The following GIP variants were observed in gnomAD, a reference collection of about 807,000 sequenced individuals.
The protein encoded by GIP is glucose-dependent insulinotropic polypeptide.
A neutral mutation model predicts 18.1 loss-of-function variants in GIP; 16 were observed. The observed-to-expected ratio is 0.88, with a 90% confidence interval of 0.60 to 1.34. The LOEUF is 1.34. Ranked by LOEUF, GIP falls within the 40% of genes most tolerant of loss-of-function variation. GIP has a pLI of 0.00. For synonymous variants in GIP, 76 were observed against 74.0 expected, an observed-to-expected ratio of 1.03 and a Z score of -0.14; for missense variants, 192 against 183.4, an observed-to-expected ratio of 1.05 and a Z score of -0.27.
chr17:48,958,782 C>T lies in GIP; in HGVS notation c.453-66G>A, dbSNP rs144493607. On this transcript the variant is annotated intron_variant, in intron 5 of 5. Transcript: ENST00000357424. ...TTGGAGTCGGCCAAGCACATTTATCCTGGGACCCAACCATTGTTGAACCCC... is the reference window on the plus strand; with the variant it reads ...TTGGAGTCGGCCAAGCACATTTATCTTGGGACCCAACCATTGTTGAACCCC... The T allele has an allele frequency of 9.1e-6, 12 of 1,316,080 alleles. No homozygotes were observed. The East Asian group carries it at 3.0e-4, about 33-fold the overall frequency. 81.5% of individuals were successfully genotyped at this position (1,316,080 alleles called of 1,614,324 possible).
At chr17:48,967,685 G>T (rs1224402090) in intron 1 of GIP, among the ~76,000 whole-genome samples, 2 of 151,838 alleles carry the variant, frequency 1.3e-5, no homozygotes, top group Non-Finnish European at 2.9e-5. Flanking sequence ...AGAGCCTGGG[G>T]CAACACCATG....
intron 1 of GIP, among the ~76,000 whole-genome samples, chr17:48,967,656 C>T (rs2041242481): frequency 6.6e-6 from 1 of 151,420 alleles, no homozygotes; most frequent in South Asian, 2.1e-4. Flanking sequence ...TCGCGCCTTG[C>T]CAGTTTGGAC....
chr17:48,959,037 A>G, intron 5 of GIP, among the ~76,000 whole-genome samples: 1 of 151,722 alleles, frequency 6.6e-6, no homozygotes, highest in African/African-American at 2.4e-5. Context: ...TGTATTTTTA[A>G]TAGAGACAGG....
chr17:48,964,202 TGG>T, intron 3 of GIP, 106 bp downstream of exon 3: 1 of 662,548 alleles, frequency 1.5e-6, no homozygotes. Flanking sequence ...AGGTGCCACC[TGG>T]GGTTGTGCAT....
rs199983582 is a variant in GIP at position 48,960,895 on chromosome 17, C to T, written c.443G>A (p.Cys148Tyr). The change falls in exon 5 of 6, where the codon TGC (cysteine) becomes TAC (tyrosine). Residue 148 changes from cysteine (C) to tyrosine (Y), a missense_variant. By Grantham distance (194) the Cys-to-Tyr change is radical. Transcript: ENST00000357424. ...CACCACACTCCCCTACCTGAGCCTGCAGAGGTTTGTCTGATCCAGCAAGCA... is the reference window on the plus strand; with the variant it reads ...CACCACACTCCCCTACCTGAGCCTGTAGAGGTTTGTCTGATCCAGCAAGCA... ...LACLLDQTNL[C>Y]RLRSR The T allele has an allele frequency of 6.2e-5, 99 of 1,594,106 alleles. No homozygotes were observed. The African/African-American group carries it at 1.2e-3, about 19-fold the overall frequency.
rs748343246 is a variant in GIP at position 48,961,743 on chromosome 17, C to G, written c.334G>C (p.Ala112Pro). 1.2e-5 allele frequency: 20 copies of G among 1,606,662 alleles called. No individual in the cohort carries two copies. The highest frequency in any genetic ancestry group is 1.7e-5 in the Non-Finnish European group (20 of 1,174,612). The stretch of plus-strand genomic sequence containing the variant: ...CTGACTCACCTCTGTGGCTCCACTG[C>G]CTCCTCCTCCTTCCTATTAGCTTGA... ...ASQANRKEEE[A>P]VEPQSSPAKN... is the part of the protein sequence containing the mutation. Residue 112 changes from alanine to proline, a missense_variant, in exon 4 of 6, where the codon GCA (alanine) becomes CCA (proline). Transcript: ENST00000357424.
chr17:48,964,854 C>G (rs1295247832), intron 2 of GIP, among the ~76,000 whole-genome samples: 1 of 152,050 alleles, frequency 6.6e-6, no homozygotes, highest in Non-Finnish European at 1.5e-5. Flanking sequence ...ATTAGCCAGG[C>G]GTTGGCAGGG....
intron 4 of GIP, 40 bp downstream of exon 4, chr17:48,961,687 G>A (rs1431338126): frequency 7.7e-7 from 1 of 1,300,562 alleles, no homozygotes; most frequent in African/African-American, 1.4e-5. Flanking sequence ...GGCGGGGCAG[G>A]AGGCTTGGCT....
chr17:48,963,861 A>AG (rs1157178570), intron 3 of GIP, among the ~76,000 whole-genome samples: 267 of 148,316 alleles, frequency 1.8e-3, no homozygotes, highest in Non-Finnish European at 3.0e-3. Flanking sequence ...AAAAAAAAAA[A>AG]AAGAGAGAGA....
chr17:48,967,338 G>A, intron 1 of GIP, 85 bp from the exon 2 acceptor site: 1 of 847,830 alleles, frequency 1.2e-6, no homozygotes, highest in Non-Finnish European at 1.9e-6. Context: ...CCTGAGGTTT[G>A]GACCCTTTCT....
chr17:48,967,070 C>T, intron 2 of GIP, 77 bp downstream of exon 2: 2 of 1,077,964 alleles, frequency 1.9e-6, no homozygotes, highest in South Asian at 1.3e-5. Context: ...TTTCTCATCT[C>T]CCCCTAGAAA....
At chr17:48,966,348 G>A (rs1248298833) in intron 2 of GIP, among the ~76,000 whole-genome samples, 1 of 151,000 alleles carries the variant, frequency 6.6e-6, no homozygotes, top group Non-Finnish European at 1.5e-5. Flanking sequence ...CTAAGGTCAG[G>A]AGTTCGAGAC....
chr17:48,964,218 G>T, intron 3 of GIP, 92 bp downstream of exon 3: 31 of 789,404 alleles, frequency 3.9e-5, no homozygotes, highest in Non-Finnish European at 5.7e-5. Context: ...TGTGCATCAT[G>T]TGGCCTGTGT....
chr17:48,962,600 C>T (rs552703860), intron 3 of GIP, among the ~76,000 whole-genome samples: 1 of 151,932 alleles, frequency 6.6e-6, no homozygotes, highest in African/African-American at 2.4e-5. Flanking sequence ...AGCTCCTGAC[C>T]TCGTGATTTG....
chr17:48,964,566 C>T (rs1179542020), intron 2 of GIP, 86 bp from the exon 3 acceptor site: 3 of 1,180,250 alleles, frequency 2.5e-6, no homozygotes, highest in Non-Finnish European at 3.7e-6. Flanking sequence ...AGGAGGCAGA[C>T]ACTTGAAAAC....
At position 48,958,703 on chromosome 17, in the gene GIP, A is replaced by C. The variant is rs745566597; in HGVS notation, c.*4T>G. 1 of 1,581,810 alleles carries C rather than the reference A, an allele frequency of 6.3e-7. No individual in the cohort carries two copies. ...ATCCAGTCCTGAGCTGGGTGTGGTC[A>C]GAGTCACCGAGACCTGGGGAGAGTG... On this transcript the variant is annotated 3_prime_UTR_variant, in exon 6 of 6. Transcript: ENST00000357424.
Position 48,965,138 on chromosome 17 carries a change from C to CAAAA in GIP, c.87-662_87-659dup, listed in dbSNP as rs33956589. ...TGGGAGACAGAGCGAGACTCCGTCT[C>CAAAA]AAAAAAAAAAAAATTAGCCAGGCGT... On this transcript the variant is annotated intron_variant, in intron 2 of 5. Coordinates refer to ENST00000357424, the MANE Select transcript of GIP (RefSeq NM_004123.3). 1.9e-4 allele frequency among the ~76,000 whole-genome samples: 21 copies of CAAAA among 109,608 alleles called. 2 individuals carry two copies. Among genetic ancestry groups the CAAAA allele is most frequent in the African/African-American group, 3.8e-4 (8 of 21,104 alleles). The allele number at this position is 109,608 out of a possible 152,430, so 71.9% of individuals were successfully genotyped here.
chr17:48,964,717 C>T (rs759780064), intron 2 of GIP, among the ~76,000 whole-genome samples: 6 of 152,176 alleles, frequency 3.9e-5, no homozygotes, highest in Non-Finnish European at 7.3e-5. Context: ...ATCACGGGGC[C>T]AGGGGCGGTG....
At chr17:48,962,630 G>A (rs1170061692) in intron 3 of GIP, among the ~76,000 whole-genome samples, 4 of 152,028 alleles carry the variant, frequency 2.6e-5, no homozygotes, top group Non-Finnish European at 5.9e-5. Flanking sequence ...GCCTCCCAAA[G>A]TGCTGGGATT....
Sources: allele counts gnomAD v4.1 joint callset (sites outside exome capture counted in the v4.1 genomes callset), GRCh38; gene constraint gnomAD v4.1.1; transcripts MANE v1.5; gene names NCBI Gene and HGNC (gene_info 2026-07-23, HGNC 2026-07-21).